MPDZ: variants seen among roughly 807,000 people sequenced by gnomAD.
MPDZ encodes multiple PDZ domain protein.
In MPDZ, 234 loss-of-function variants were observed where a neutral mutation model predicts 239.1. The observed-to-expected ratio is 0.98, with a 90% CI of 0.88 to 1.09. MPDZ has a LOEUF of 1.09. MPDZ is among the 50% of genes least tolerant of loss of function. The pLI is 0.00. For synonymous variants in MPDZ, 1,048 were observed against 881.3 expected (o/e 1.19, Z -3.35); for missense variants, 3,175 against 2,510.0 (o/e 1.26, Z -5.66).
intron 10 of MPDZ, among the ~76,000 whole-genome samples, chr9:13,215,722 T>A (rs1214686334): frequency 6.9e-6 from 1 of 143,960 alleles, no homozygotes. Context: ...AACACTAAGG[T>A]AAAACAGATA....
chr9:13,161,497 G>T (rs1396132120), intron 23 of MPDZ, among the ~76,000 whole-genome samples: 1 of 152,030 alleles, frequency 6.6e-6, no homozygotes, highest in Non-Finnish European at 1.5e-5. Context: ...CTTGAACCCG[G>T]GAGGCAGAGG....
Position 13,121,835 on chromosome 9 carries a change from T to C in MPDZ, c.5135A>G (p.Glu1712Gly), listed in dbSNP as rs780757669. The C allele has an allele frequency of 1.2e-6, 2 of 1,613,968 alleles. No homozygotes were observed. The highest frequency in any genetic ancestry group is 1.7e-5 in the Admixed American group (1 of 60,004). The change falls in exon 38 of 47, where the codon GAG (glutamate) becomes GGG (glycine). Residue 1712 changes from glutamate to glycine, a missense_variant. Transcript: ENST00000319217. ...QRVRLTLYRD[E>G]APYKEEEVCD... ...CACTTCCTCCTCTTTGTATGGGGCCTCATCTCTGTAGAGTGTCAGGCGCAC... is the reference window on the plus strand; with the variant it reads ...CACTTCCTCCTCTTTGTATGGGGCCCCATCTCTGTAGAGTGTCAGGCGCAC...
intron 1 of MPDZ, among the ~76,000 whole-genome samples, chr9:13,255,600 T>C (rs879656717): frequency 1.4e-4 from 21 of 152,328 alleles, no homozygotes; most frequent in Admixed American, 5.2e-4. Flanking sequence ...ACAACATTCA[T>C]CTCTCTTGAT....
chr9:13,229,503 T>A (rs1446208903), intron 3 of MPDZ, among the ~76,000 whole-genome samples: 4 of 150,116 alleles, frequency 2.7e-5, no homozygotes, highest in Non-Finnish European at 4.4e-5. Context: ...GGTCAGATGT[T>A]AACAAGATGA....
chr9:13,200,922 G>C (rs1482405837), intron 12 of MPDZ, among the ~76,000 whole-genome samples: 1 of 151,820 alleles, frequency 6.6e-6, no homozygotes, highest in African/African-American at 2.4e-5. Context: ...ATGTCTATTG[G>C]GTCAATTTGG....
chr9:13,256,310 T>C (rs1026498121), intron 1 of MPDZ, among the ~76,000 whole-genome samples: 2 of 152,214 alleles, frequency 1.3e-5, no homozygotes, highest in Admixed American at 6.5e-5. Flanking sequence ...ATATCAACAA[T>C]AAGGCTGTTT....
intron 38 of MPDZ, 132 bp downstream of exon 38, chr9:13,121,607 G>T: frequency 1.1e-6 from 1 of 877,466 alleles, no homozygotes; most frequent in Non-Finnish European, 1.8e-6. Flanking sequence ...GTTCCTTAGT[G>T]AGGGGGCTAA....
Position 13,255,247 on chromosome 9 carries a change from C to G in MPDZ, c.-57-4875G>C, listed in dbSNP as rs114244848. On this transcript the variant is annotated intron_variant, in intron 1 of 46. Transcript: ENST00000319217. ...ACATCTTCAGACTCCATTTGAAATTCTAGTTCTCTTGCTATTTGTAACGCA... is the reference window on the plus strand; with the variant it reads ...ACATCTTCAGACTCCATTTGAAATTGTAGTTCTCTTGCTATTTGTAACGCA... Among the ~76,000 whole-genome samples the G allele has an allele frequency of 7.3e-3, 1,105 of 152,276 alleles. 11 individuals carry two copies. The highest frequency in any genetic ancestry group is 0.024 in the African/African-American group (1,007 of 41,556).
intron 32 of MPDZ, 65 bp from the exon 33 acceptor site, chr9:13,126,837 C>T (rs187866874): frequency 8.1e-6 from 11 of 1,354,676 alleles, no homozygotes; most frequent in Non-Finnish European, 1.1e-5. Flanking sequence ...CAAATGGATA[C>T]CAAGGGTAAG....
chr9:13,165,322 T>C, intron 22 of MPDZ: 2 of 1,540,122 alleles, frequency 1.3e-6, no homozygotes, highest in Middle Eastern at 1.7e-4. Context: ...CACAGACAAG[T>C]TGTAACACAC....
chr9:13,170,021 T>C (rs1338494953), intron 21 of MPDZ, among the ~76,000 whole-genome samples: 2 of 152,270 alleles, frequency 1.3e-5, no homozygotes, highest in East Asian at 3.9e-4. Flanking sequence ...AAATATAAAA[T>C]CTTATAAATT....
At chr9:13,201,620 T>C (rs540361101) in intron 12 of MPDZ, among the ~76,000 whole-genome samples, 1 of 152,158 alleles carries the variant, frequency 6.6e-6, no homozygotes, top group South Asian at 2.1e-4. Context: ...TAAATTCTTT[T>C]TTCTTTCTGC....
rs142831537 is a variant in MPDZ at position 13,176,044 on chromosome 9, A to T, written c.2931+92T>A. 2.8e-4 allele frequency: 408 copies of T among 1,440,506 alleles called. 2 individuals are homozygous for T. The African/African-American group carries it at 5.4e-3, about 19-fold the overall frequency. The allele number at this position is 1,440,506 out of a possible 1,614,324, so 89.2% of individuals were successfully genotyped here. ...TCTGAAAATCTTAGTGTCAAGAAGC[A>T]CTCATTCCAAATGAAGAGATTAGCC... On this transcript the variant is annotated intron_variant, in intron 20 of 46. Transcript: ENST00000319217.
At chr9:13,226,327 C>A (rs1025669688) in intron 3 of MPDZ, among the ~76,000 whole-genome samples, 1 of 152,150 alleles carries the variant, frequency 6.6e-6, no homozygotes, top group Admixed American at 6.6e-5. Flanking sequence ...GCAATGCAGT[C>A]AATCCTAATT....
intron 27 of MPDZ, chr9:13,140,947 C>A (rs561318538): frequency 6.6e-6 from 1 of 152,242 alleles, no homozygotes; most frequent in African/African-American, 2.4e-5. Context: ...AGAGCACACA[C>A]TCGGATGTGA....
chr9:13,211,829 T>A (rs1957656656), intron 10 of MPDZ, among the ~76,000 whole-genome samples: 1 of 152,078 alleles, frequency 6.6e-6, no homozygotes, highest in African/African-American at 2.4e-5. Context: ...TACATAGAAT[T>A]TTTCTAAATT....
At chr9:13,235,885 G>A (rs561665718) in intron 3 of MPDZ, among the ~76,000 whole-genome samples, 1 of 151,984 alleles carries the variant, frequency 6.6e-6, no homozygotes, top group African/African-American at 2.4e-5. Context: ...GTAAGACTCT[G>A]ACTTTTCCCT....
chr9:13,256,688 G>A (rs1347410801), intron 1 of MPDZ, among the ~76,000 whole-genome samples: 3 of 152,104 alleles, frequency 2.0e-5, no homozygotes, highest in South Asian at 2.1e-4. Flanking sequence ...CAGGGCTGTA[G>A]CACCCCAAAA....
intron 1 of MPDZ, among the ~76,000 whole-genome samples, chr9:13,277,535 G>A (rs10960994): frequency 0.057 from 8,602 of 152,034 alleles, 554 homozygotes; most frequent in East Asian, 0.19. Flanking sequence ...GTCAAGGAAC[G>A]TTTTGCTAGG....
Sources: gnomAD v4.1 joint callset for allele counts (sites outside exome capture counted in the v4.1 genomes callset) on GRCh38, gnomAD v4.1.1 for gene constraint, MANE v1.5 for transcripts, NCBI Gene and HGNC (gene_info 2026-07-23, HGNC 2026-07-21) for gene names.